Variants in KCNJ6 observed in about 807,000 individuals in gnomAD.
The protein encoded by KCNJ6 is G protein-activated inward rectifier potassium channel 2.
A neutral mutation model predicts 34.2 loss-of-function variants in KCNJ6; 9 were observed. The observed-to-expected ratio is 0.26, with a 90% CI of 0.16 to 0.46. KCNJ6 has a LOEUF of 0.46. KCNJ6 is among the 20% of genes least tolerant of loss of function. The pLI is 1.00. For missense variants in KCNJ6, 236 were observed against 531.3 expected, an observed-to-expected ratio of 0.44 and a Z score of 5.46; for synonymous variants, 196 against 207.1, an observed-to-expected ratio of 0.95 and a Z score of 0.46.
intron 2 of KCNJ6, chr21:37,719,485 A>G (rs2054812909): frequency 6.6e-6 from 1 of 152,190 alleles, no homozygotes. Flanking sequence ...GCAACTTCTT[A>G]CCACCAAGGA....
intron 2 of KCNJ6, among the ~76,000 whole-genome samples, chr21:37,752,677 T>A (rs2055002190): frequency 2.0e-5 from 3 of 152,146 alleles, no homozygotes; most frequent in African/African-American, 7.2e-5. Flanking sequence ...TTCCCAGGAA[T>A]CCTGGCTAGG....
intron 2 of KCNJ6, among the ~76,000 whole-genome samples, chr21:37,826,157 A>G (rs113401470): frequency 3.6e-4 from 55 of 152,278 alleles, no homozygotes; most frequent in Non-Finnish European, 6.3e-4. Flanking sequence ...CCTTTTCTAA[A>G]TTTTAGCTTT....
chr21:37,846,457 CTAGAAAGGG>C (rs2055508579), intron 1 of KCNJ6, among the ~76,000 whole-genome samples: 1 of 149,176 alleles, frequency 6.7e-6, no homozygotes, highest in Non-Finnish European at 1.5e-5. Context: ...TGCAGAGTAT[CTAGAAAGGG>C]TAGAAAGGGT....
In KCNJ6 at chr21:37,652,134, G is replaced by A. The variant is rs554704058; in HGVS notation, c.947-26650C>T. 2.0e-5 allele frequency among the ~76,000 whole-genome samples: 3 copies of A among 152,290 alleles called. No individual in the cohort carries two copies. In the South Asian group the frequency reaches 6.2e-4, roughly 32 times the overall value. On this transcript the variant is annotated intron_variant, in intron 3 of 3. Coordinates refer to ENST00000609713, the MANE Select transcript of KCNJ6 (RefSeq NM_002240.5). ...TTCATGGCTGGTTACAGGAGGTGGA[G>A]GCTGAACAACAGCTTGAGTGAATAG...
chr21:37,843,186 C>A (rs76532564), intron 1 of KCNJ6, among the ~76,000 whole-genome samples: 1 of 152,054 alleles, frequency 6.6e-6, no homozygotes, highest in Admixed American at 6.5e-5. Flanking sequence ...GACCTAAGGA[C>A]CCTGCCACAT....
chr21:37,891,873 T>A (rs1601519588), intron 1 of KCNJ6, among the ~76,000 whole-genome samples: 2 of 152,020 alleles, frequency 1.3e-5, no homozygotes, highest in Admixed American at 1.3e-4. Flanking sequence ...GTTGTGGTGG[T>A]GCTGGGCTGG....
In KCNJ6 at chr21:37,714,662, T is replaced by C. The variant is rs2070995; in HGVS notation, c.495A>G (p.Pro165=). Residue 165 remains proline (P), a synonymous_variant, in exon 3 of 4, where the codon CCA becomes CCG. Transcript: ENST00000609713. The surrounding 1 kb of genome is among the most constrained non-coding windows in gnomAD (Gnocchi z 5.9). ...GGATTAAGAGAAGAATAATTCCCTC[T>C]GGGCATTTATCTGTGATGACCCGGT... ...YGYRVITDKC[P]EGIILLLIQS... 0.8 allele frequency: 1,283,085 copies of C among 1,613,810 alleles called. 512,716 individuals carry two copies. The highest frequency in any genetic ancestry group is 0.96 in the African/African-American group (72,254 of 75,022).
At chr21:37,656,060 C>T (rs116623767) in intron 3 of KCNJ6, among the ~76,000 whole-genome samples, 1,872 of 152,264 alleles carry the variant, frequency 0.012, 35 homozygotes, top group African/African-American at 0.042. Context: ...TGCTGCCAGA[C>T]GTGGCATGCA....
intron 1 of KCNJ6, among the ~76,000 whole-genome samples, chr21:37,858,342 G>A (rs950949402): frequency 3.8e-5 from 5 of 131,868 alleles, no homozygotes; most frequent in African/African-American, 5.7e-5. Flanking sequence ...GCAGTGAGCC[G>A]AGATCTGGCC....
At chr21:37,809,265 T>C (rs1055072542) in intron 2 of KCNJ6, among the ~76,000 whole-genome samples, 8 of 151,740 alleles carry the variant, frequency 5.3e-5, no homozygotes, top group African/African-American at 1.9e-4. Context: ...CTCAGCAAAC[T>C]ATCGCAAGGA....
chr21:37,831,761 G>C (rs1283876274), intron 2 of KCNJ6, among the ~76,000 whole-genome samples: 2 of 152,140 alleles, frequency 1.3e-5, no homozygotes, highest in East Asian at 1.9e-4. Flanking sequence ...CACGGTCCTG[G>C]GGCAAAGGAG....
intron 2 of KCNJ6, among the ~76,000 whole-genome samples, chr21:37,776,742 T>C (rs1005505357): frequency 6.6e-6 from 1 of 152,182 alleles, no homozygotes; most frequent in Non-Finnish European, 1.5e-5. Flanking sequence ...CTGCTGGATT[T>C]GGTTTGCCAG....
rs1466109887 is a variant in KCNJ6 at position 37,668,427 on chromosome 21, GTGTGTC to G, written c.947-42949_947-42944del. 8.3e-4 allele frequency among the ~76,000 whole-genome samples: 124 copies of G among 149,506 alleles called. 1 individual carries two copies. The highest frequency in any genetic ancestry group is 1.4e-3 in the Non-Finnish European group (95 of 67,684). ...GGTCCTCACAGGGTCACCCCTCTGT[GTGTGTC>G]TGTGTCTGTGTCCTAATCTCCTATT... On this transcript the variant is annotated intron_variant, in intron 3 of 3. Coordinates refer to ENST00000609713, the MANE Select transcript of KCNJ6 (RefSeq NM_002240.5).
intron 3 of KCNJ6, among the ~76,000 whole-genome samples, chr21:37,712,295 A>G (rs1305377532): frequency 6.6e-6 from 1 of 152,134 alleles, no homozygotes; most frequent in Admixed American, 6.5e-5. Flanking sequence ...GAAAAACTGC[A>G]TCCTGAGTGG....
At position 37,905,635 on chromosome 21, in the gene KCNJ6, A is replaced by T. The variant is rs2055837962; in HGVS notation, c.-28+10249T>A. Reference sequence around the variant, plus strand: ...TTTCTGCAGATACCAGCCCTTATTAATGTTCTCCTCCCTCACTTAAACTCT... The same window carrying T: ...TTTCTGCAGATACCAGCCCTTATTATTGTTCTCCTCCCTCACTTAAACTCT... On this transcript the variant is annotated intron_variant, in intron 1 of 3. Transcript: ENST00000609713. Among the ~76,000 whole-genome samples, 4 of 152,066 alleles carry T rather than the reference A, an allele frequency of 2.6e-5. No individual in the cohort carries two copies. In the South Asian group the frequency reaches 8.3e-4, roughly 32 times the overall value.
chr21:37,808,832 TTC>T (rs1004595508), intron 2 of KCNJ6, among the ~76,000 whole-genome samples: 2 of 152,046 alleles, frequency 1.3e-5, no homozygotes, highest in East Asian at 1.9e-4. Context: ...TTGATTTCCT[TTC>T]TCTCTCTCTC....
chr21:37,702,668 T>C (rs2054697675), intron 3 of KCNJ6, among the ~76,000 whole-genome samples: 1 of 152,048 alleles, frequency 6.6e-6, no homozygotes, highest in Admixed American at 6.6e-5. Flanking sequence ...TAGAAAAAGA[T>C]GGTAATTAAA....
intron 3 of KCNJ6, among the ~76,000 whole-genome samples, chr21:37,655,451 AT>A (rs1375943962): frequency 6.6e-6 from 1 of 152,056 alleles, no homozygotes; most frequent in Non-Finnish European, 1.5e-5. Context: ...CTTTACAAGA[AT>A]TTCAACAGAC....
chr21:37,720,958 C>T (rs993532897), intron 2 of KCNJ6, among the ~76,000 whole-genome samples: 21 of 152,060 alleles, frequency 1.4e-4, no homozygotes, highest in Admixed American at 1.2e-3. Context: ...CCACCCGCCT[C>T]GGCCTCCCAA....
Sources: gnomAD v4.1 joint callset for allele counts (sites outside exome capture counted in the v4.1 genomes callset) on GRCh38, gnomAD v4.1.1 for gene constraint, Gnocchi (gnomAD v3.1) non-coding constraint, MANE v1.5 for transcripts, NCBI Gene and HGNC (gene_info 2026-07-23, HGNC 2026-07-21) for gene names.